SNCAIP: variants seen among roughly 807,000 people sequenced by gnomAD.
SNCAIP encodes synphilin-1.
In SNCAIP, 43 loss-of-function variants were observed where a neutral mutation model predicts 86.7. The ratio of observed to expected loss-of-function variants is 0.50; its 90% confidence interval spans 0.39 to 0.64. The LOEUF is 0.64. Among genes scored for constraint, SNCAIP ranks in the 30% least tolerant of loss-of-function variants. The pLI, the probability that SNCAIP is intolerant of heterozygous loss-of-function variation, is 0.00. For missense variants in SNCAIP, 981 were observed against 1,103.1 expected, an observed-to-expected ratio of 0.89 and a Z score of 1.57; for synonymous variants, 417 against 427.2, an observed-to-expected ratio of 0.98 and a Z score of 0.29.
At chr5:122,363,074 G>A (rs745979348) in intron 1 of SNCAIP, among the ~76,000 whole-genome samples, 1 of 145,162 alleles carries the variant, frequency 6.9e-6, no homozygotes, top group African/African-American at 2.6e-5. Context: ...TCAACTCACT[G>A]CAACTTCCAC....
chr5:122,418,993 G>C (rs908804697), intron 3 of SNCAIP, among the ~76,000 whole-genome samples: 6 of 152,148 alleles, frequency 3.9e-5, no homozygotes, highest in Non-Finnish European at 7.4e-5. Context: ...ATTTCAGAGG[G>C]ATTGAGGATA....
chr5:122,313,896 C>T (rs1751179635), intron 1 of SNCAIP, among the ~76,000 whole-genome samples: 1 of 152,076 alleles, frequency 6.6e-6, no homozygotes, highest in Non-Finnish European at 1.5e-5. Context: ...CTTTTGGACA[C>T]CTCAGTTAGA....
intron 1 of SNCAIP, among the ~76,000 whole-genome samples, chr5:122,319,200 T>A (rs1752440971): frequency 6.6e-6 from 1 of 152,118 alleles, no homozygotes; most frequent in South Asian, 2.1e-4. Context: ...AATAAAACAT[T>A]ATAGCTGCCT....
chr5:122,365,142 T>C (rs190323973), intron 1 of SNCAIP, among the ~76,000 whole-genome samples: 1 of 152,150 alleles, frequency 6.6e-6, no homozygotes, highest in East Asian at 1.9e-4. Context: ...GCTTATTTAC[T>C]CCTGTGAAAT....
intron 5 of SNCAIP, among the ~76,000 whole-genome samples, chr5:122,427,548 G>A (rs1777610967): frequency 6.6e-6 from 1 of 152,016 alleles, no homozygotes; most frequent in African/African-American, 2.4e-5. Flanking sequence ...TTTATAACAA[G>A]TGCTTCCCTC....
rs1787095012 is a variant in SNCAIP at position 122,464,149 on chromosome 5, C to G, written c.*653C>G. The G allele has an allele frequency of 6.6e-6, 1 of 152,192 alleles. No individual in the cohort carries two copies. Among genetic ancestry groups the G allele is most frequent in the Non-Finnish European group, 1.5e-5 (1 of 68,044 alleles). 9.4% of individuals were successfully genotyped at this position (152,192 alleles called of 1,614,324 possible). On this transcript the variant is annotated 3_prime_UTR_variant, in exon 11 of 11. Coordinates refer to ENST00000261368, the MANE Select transcript of SNCAIP (RefSeq NM_005460.4). ...TATTTTGATTGCTGATATTTGATTT[C>G]AGGAACAAACTGCTCAGTTTAGCAG...
intron 10 of SNCAIP, among the ~76,000 whole-genome samples, chr5:122,453,644 G>A (rs1485079716): frequency 6.6e-6 from 1 of 152,126 alleles, no homozygotes; most frequent in African/African-American, 2.4e-5. Context: ...CCACCTCCTT[G>A]GGCAAAGTTC....
intron 1 of SNCAIP, among the ~76,000 whole-genome samples, chr5:122,355,259 CTTT>C (rs2152752206): frequency 6.6e-6 from 1 of 152,232 alleles, no homozygotes; most frequent in Admixed American, 6.5e-5. Context: ...TGCATATTCT[CTTT>C]TGTTTGTTTT....
chr5:122,455,375 A>G (rs1784538026), intron 10 of SNCAIP, among the ~76,000 whole-genome samples: 1 of 152,230 alleles, frequency 6.6e-6, no homozygotes, highest in African/African-American at 2.4e-5. Context: ...GGCTTGCCTA[A>G]TTTTGCCTAT....
intron 1 of SNCAIP, among the ~76,000 whole-genome samples, chr5:122,381,453 T>C (rs1396811058): frequency 4.1e-5 from 6 of 147,666 alleles, no homozygotes. Context: ...GTGAGATGGG[T>C]TTCCTGAATA....
chr5:122,436,438 A>G (rs1779489989), intron 6 of SNCAIP: 2 of 152,192 alleles, frequency 1.3e-5, no homozygotes, highest in South Asian at 4.1e-4. Flanking sequence ...TACTTATTTT[A>G]CCATTAGTAA....
intron 5 of SNCAIP, among the ~76,000 whole-genome samples, chr5:122,429,121 G>A (rs970015359): frequency 6.6e-6 from 1 of 151,574 alleles, no homozygotes; most frequent in Non-Finnish European, 1.5e-5. Flanking sequence ...ATAGATGAAC[G>A]AAAATGAAAA....
intron 1 of SNCAIP, among the ~76,000 whole-genome samples, chr5:122,382,008 C>G (rs1315778463): frequency 6.6e-6 from 1 of 152,102 alleles, no homozygotes; most frequent in Non-Finnish European, 1.5e-5. Flanking sequence ...GTGAATCTGA[C>G]AATTATGTGT....
At chr5:122,450,154 C>T (rs1290879430) in intron 9 of SNCAIP, among the ~76,000 whole-genome samples, 3 of 152,160 alleles carry the variant, frequency 2.0e-5, no homozygotes, top group African/African-American at 7.2e-5. Context: ...CATTCCACGA[C>T]TATAAACAAG....
At chr5:122,463,062 ATTC>A (rs1786824850) in intron 10 of SNCAIP, among the ~76,000 whole-genome samples, 1 of 152,228 alleles carries the variant, frequency 6.6e-6, no homozygotes, top group Admixed American at 6.5e-5. Flanking sequence ...ACCAAAAAGC[ATTC>A]TTCTTTAAAC....
At chr5:122,352,626 G>T (rs1167933924) in intron 1 of SNCAIP, among the ~76,000 whole-genome samples, 3 of 152,166 alleles carry the variant, frequency 2.0e-5, no homozygotes, top group Non-Finnish European at 2.9e-5. Context: ...CCATGCAAAT[G>T]AGTTACAGGC....
chr5:122,456,737 A>G (rs1784845296), intron 10 of SNCAIP, among the ~76,000 whole-genome samples: 1 of 152,204 alleles, frequency 6.6e-6, no homozygotes, highest in African/African-American at 2.4e-5. Flanking sequence ...TGACCTTAAA[A>G]TGTTAACATT....
chr5:122,417,821 G>T (rs1055291105), intron 3 of SNCAIP, among the ~76,000 whole-genome samples: 2 of 152,170 alleles, frequency 1.3e-5, no homozygotes, highest in Middle Eastern at 3.2e-3. Flanking sequence ...TAGACAAAGG[G>T]CTGGTTATAA....
In SNCAIP at chr5:122,451,091, A is replaced by G. The variant is rs370692770; in HGVS notation, c.2244A>G (p.Pro748=). The change falls in exon 10 of 11, where the codon CCA becomes CCG. Residue 748 remains proline, a synonymous_variant. Coordinates refer to ENST00000261368, the MANE Select transcript of SNCAIP (RefSeq NM_005460.4). ...KASKSLDGHS[P]SPTSESSEPD... ...CCAAATCCCTGGATGGCCACAGCCC[A>G]TCTCCCACCTCAGAGAGCAGCGAAC... 4.3e-6 allele frequency: 7 copies of G among 1,614,022 alleles called. No individual in the cohort carries two copies. The East Asian group carries it at 6.7e-5, about 15-fold the overall frequency.
Sources: gnomAD v4.1 joint callset for allele counts (sites outside exome capture counted in the v4.1 genomes callset) on GRCh38, gnomAD v4.1.1 for gene constraint, MANE v1.5 for transcripts, NCBI Gene and HGNC (gene_info 2026-07-23, HGNC 2026-07-21) for gene names.